ZNF124: variants seen among roughly 807,000 people sequenced by gnomAD.
The protein encoded by ZNF124 is zinc finger protein 124.
Under a neutral mutation model 26.6 loss-of-function variants are expected in ZNF124, and 25 were observed. The observed-to-expected ratio is 0.94, with a 90% CI of 0.68 to 1.31. ZNF124 has a LOEUF of 1.31. ZNF124 is among the 40% of genes most tolerant of loss of function. The pLI is 0.00. For synonymous variants in ZNF124, 129 were observed against 133.3 expected (o/e 0.97, Z 0.22); for missense variants, 444 against 422.2 (o/e 1.05, Z -0.45).
chr1:247,144,934 C>T (rs1672724724), intron 3 of ZNF124, among the ~76,000 whole-genome samples: 1 of 152,116 alleles, frequency 6.6e-6, no homozygotes, highest in South Asian at 2.1e-4. Context: ...CGCCACCATG[C>T]CTGGCTAATT....
intron 3 of ZNF124, among the ~76,000 whole-genome samples, chr1:247,157,914 C>A (rs942571434): frequency 4.6e-5 from 7 of 150,578 alleles, no homozygotes; most frequent in Non-Finnish European, 8.8e-5. Context: ...TAATGAGTGA[C>A]TTCTCGCTCT....
At position 247,156,583 on chromosome 1, in the gene ZNF124, T is replaced by TATA. The variant is rs777332173; in HGVS notation, c.1036_1038dup (p.Tyr346dup). On this transcript the variant is annotated inframe_insertion, in exon 4 of 4. Transcript: ENST00000543802. ...TAAAGCCTTTACATTTTTTTACATT[T>TATA]ATAGGGCTTTTCTCCAGTATGAGTT... The TATA allele has an allele frequency of 1.9e-6, 3 of 1,542,040 alleles. No individual in the cohort carries two copies. In the African/African-American group the frequency reaches 4.2e-5, roughly 21 times the overall value.
At chr1:247,146,642 G>A (rs1672785900) in intron 3 of ZNF124, among the ~76,000 whole-genome samples, 1 of 152,146 alleles carries the variant, frequency 6.6e-6, no homozygotes, top group Non-Finnish European at 1.5e-5. Flanking sequence ...ATTAAGCAAT[G>A]AAAATATGTC....
chr1:247,163,197 T>G (rs1303382937), intron 1 of ZNF124, among the ~76,000 whole-genome samples: 1 of 151,684 alleles, frequency 6.6e-6, no homozygotes, highest in Non-Finnish European at 1.5e-5. Flanking sequence ...ATCAAAAACT[T>G]TGAAAAGATC....
chr1:247,156,222 G>T lies in ZNF124; in HGVS notation c.*344C>A. Reference sequence around the variant, plus strand: ...CCATGTGTCTCTGAGTGAGTTATAGGATAAATGAAGGCATTCTCACATTCG... The same window carrying T: ...CCATGTGTCTCTGAGTGAGTTATAGTATAAATGAAGGCATTCTCACATTCG... On this transcript the variant is annotated 3_prime_UTR_variant, in exon 4 of 4. Coordinates refer to ENST00000543802, the MANE Select transcript of ZNF124 (RefSeq NM_001297568.2). 2.0e-6 allele frequency: 2 copies of T among 1,013,810 alleles called. No individual in the cohort carries two copies. The highest frequency in any genetic ancestry group is 2.4e-6 in the Non-Finnish European group (2 of 849,708). The allele number at this position is 1,013,810 out of a possible 1,614,324, so 62.8% of individuals were successfully genotyped here. A position where few individuals can be genotyped will look rare whatever the true frequency, so the allele number is the denominator to read the frequency against.
rs1044789945 is a variant in ZNF124, at chr1:247,168,855, G to A, written c.30+2993C>T. Among the ~76,000 whole-genome samples the A allele has an allele frequency of 3.3e-5, 5 of 151,976 alleles. No homozygotes were observed. The highest frequency in any genetic ancestry group is 4.4e-5 in the Non-Finnish European group (3 of 67,998). On this transcript the variant is annotated intron_variant, in intron 1 of 3. Coordinates refer to ENST00000543802, the MANE Select transcript of ZNF124 (RefSeq NM_001297568.2). The surrounding 1 kb of genome is among the most constrained non-coding windows in gnomAD (Gnocchi z 4.0). Reference sequence around the variant, plus strand: ...TATAATGGACCTTGGTGATTTGGGGGCAAGGGTGGGAGGGGGTGAGACTGC... The same window carrying A: ...TATAATGGACCTTGGTGATTTGGGGACAAGGGTGGGAGGGGGTGAGACTGC...
Position 247,156,283 on chromosome 1 carries a change from G to A in ZNF124, c.*283C>T. 1.5e-5 allele frequency: 17 copies of A among 1,122,288 alleles called. No homozygotes were observed. The highest frequency in any genetic ancestry group is 5.0e-5 in the East Asian group (1 of 19,928). The allele number at this position is 1,122,288 out of a possible 1,614,324, so 69.5% of individuals were successfully genotyped here. Reference sequence around the variant, plus strand: ...AAAGTTTTTCTCTAGAATGAGTTATGTTATACCATCAAATACCACTGGAAC... The same window carrying A: ...AAAGTTTTTCTCTAGAATGAGTTATATTATACCATCAAATACCACTGGAAC... On this transcript the variant is annotated 3_prime_UTR_variant, in exon 4 of 4. Transcript: ENST00000543802.
At chr1:247,125,649 C>G (rs897807262) in intron 3 of ZNF124, among the ~76,000 whole-genome samples, 1 of 151,854 alleles carries the variant, frequency 6.6e-6, no homozygotes, top group East Asian at 1.9e-4. Flanking sequence ...CCAGGCTGGT[C>G]TCCAACTCCT....
At chr1:247,166,982 A>G (rs942202454) in intron 1 of ZNF124, among the ~76,000 whole-genome samples, 2 of 152,210 alleles carry the variant, frequency 1.3e-5, no homozygotes, top group Non-Finnish European at 2.9e-5. Context: ...AAATGGTTCA[A>G]TATATGAAAA....
At chr1:247,167,182 A>G (rs2103136591) in intron 1 of ZNF124, among the ~76,000 whole-genome samples, 1 of 152,322 alleles carries the variant, frequency 6.6e-6, no homozygotes, top group South Asian at 2.1e-4. Flanking sequence ...GAAATACCAA[A>G]ACAAACAAGC....
At chr1:247,151,307 A>G (rs568245690), downstream of ZNF124, among the ~76,000 whole-genome samples, 234 of 152,066 alleles carry the variant, frequency 1.5e-3, no homozygotes, top group Admixed American at 3.1e-3. Context: ...GTGAAACCCC[A>G]TCTCTACTAA....
intron 1 of ZNF124, among the ~76,000 whole-genome samples, chr1:247,167,352 GCA>G (rs1422679707): frequency 6.6e-6 from 1 of 152,152 alleles, no homozygotes; most frequent in Non-Finnish European, 1.5e-5. Flanking sequence ...ACAGAAAACA[GCA>G]CAGACTTACC....
chr1:247,136,601 A>T (rs527312106), intron 3 of ZNF124, among the ~76,000 whole-genome samples: 1 of 152,228 alleles, frequency 6.6e-6, no homozygotes, highest in Non-Finnish European at 1.5e-5. Context: ...TGCTATTCCC[A>T]TCAAACTACC....
chr1:247,152,252 G>A (rs1672967616), downstream of ZNF124, among the ~76,000 whole-genome samples: 2 of 151,054 alleles, frequency 1.3e-5, no homozygotes, highest in South Asian at 4.2e-4. Flanking sequence ...GCTTGACACT[G>A]CGACAGTGTT....
At chr1:247,125,476 C>G (rs887866930) in intron 3 of ZNF124, among the ~76,000 whole-genome samples, 17 of 69,596 alleles carry the variant, frequency 2.4e-4, no homozygotes, top group African/African-American at 9.5e-4. Context: ...GCAGAGTTTC[C>G]TCTTTCGCCC....
At chr1:247,132,469 A>G (rs1176876804) in intron 3 of ZNF124, among the ~76,000 whole-genome samples, 1 of 152,232 alleles carries the variant, frequency 6.6e-6, no homozygotes, top group Non-Finnish European at 1.5e-5. Context: ...TAGGCTTCAG[A>G]AGATGGCTAA....
chr1:247,138,003 G>T (rs1572062531), intron 3 of ZNF124: 1 of 152,164 alleles, frequency 6.6e-6, no homozygotes, highest in East Asian at 1.9e-4. Context: ...TTACACTGTT[G>T]GTGGGAATGT....
chr1:247,154,275 C>G (rs1673028486), downstream of ZNF124, among the ~76,000 whole-genome samples: 1 of 152,144 alleles, frequency 6.6e-6, no homozygotes, highest in South Asian at 2.1e-4. Flanking sequence ...ATGAGTGAGT[C>G]TCATGAGATC....
At chr1:247,158,483 T>A (rs1673281663) in intron 3 of ZNF124, among the ~76,000 whole-genome samples, 2 of 152,196 alleles carry the variant, frequency 1.3e-5, no homozygotes, top group Admixed American at 1.3e-4. Flanking sequence ...TAGGTATTCC[T>A]TTATAGCAAT....
Sources: allele counts gnomAD v4.1 joint callset (sites outside exome capture counted in the v4.1 genomes callset), GRCh38; gene constraint gnomAD v4.1.1; non-coding constraint Gnocchi (gnomAD v3.1); transcripts MANE v1.5; gene names NCBI Gene and HGNC (gene_info 2026-07-23, HGNC 2026-07-21).